OSBPL11: variants seen among roughly 807,000 people sequenced by gnomAD.
OSBPL11 encodes the protein oxysterol-binding protein-related protein 11.
Under a neutral mutation model 84.4 loss-of-function variants are expected in OSBPL11, and 33 were observed. The observed-to-expected ratio is 0.39, with a 90% CI of 0.30 to 0.52. The LOEUF (loss-of-function observed/expected upper bound fraction) is 0.52. Ranked by LOEUF, OSBPL11 falls within the 20% of genes least tolerant of loss-of-function variation. The pLI, the probability that OSBPL11 is intolerant of heterozygous loss-of-function variation, is 0.72. For missense variants in OSBPL11, 736 were observed against 901.1 expected, an observed-to-expected ratio of 0.82 and a Z score of 2.35; for synonymous variants, 276 against 310.2, an observed-to-expected ratio of 0.89 and a Z score of 1.16.
chr3:125,570,963 T>C (rs1458821817), intron 5 of OSBPL11, among the ~76,000 whole-genome samples: 2 of 151,914 alleles, frequency 1.3e-5, no homozygotes, highest in Non-Finnish European at 2.9e-5. Flanking sequence ...TAGGCAGAGG[T>C]TGGAACAGTT....
intron 1 of OSBPL11, among the ~76,000 whole-genome samples, chr3:125,587,837 ACT>A (rs1936537755): frequency 6.6e-6 from 1 of 152,120 alleles, no homozygotes; most frequent in Admixed American, 6.5e-5. Flanking sequence ...TACTCAGGAC[ACT>A]GAGATGGGAG....
At chr3:125,582,869 C>G (rs772443705) in intron 2 of OSBPL11, 41 bp downstream of exon 2, 22 of 1,425,564 alleles carry the variant, frequency 1.5e-5, no homozygotes, top group Non-Finnish European at 2.0e-5. Context: ...TATTCCTGCT[C>G]TCTTAGGAGA....
intron 1 of OSBPL11, among the ~76,000 whole-genome samples, chr3:125,594,029 A>G (rs1379664124): frequency 6.6e-6 from 1 of 152,238 alleles, no homozygotes; most frequent in Non-Finnish European, 1.5e-5. Flanking sequence ...ACAAATATAG[A>G]CTTTCTCATC....
At chr3:125,543,738 T>C (rs1935769608) in intron 10 of OSBPL11, among the ~76,000 whole-genome samples, 1 of 151,786 alleles carries the variant, frequency 6.6e-6, no homozygotes, top group African/African-American at 2.4e-5. Flanking sequence ...CCGTCTCTAC[T>C]AAAAATACAA....
chr3:125,547,608 T>C lies in OSBPL11; in HGVS notation c.1655-16A>G. On this transcript the variant is annotated splice_polypyrimidine_tract_variant and intron_variant, in intron 9 of 12. Coordinates refer to ENST00000296220, the MANE Select transcript of OSBPL11 (RefSeq NM_022776.5). ...CTAAGGATACCTGAATGTGAAAACA[T>C]GAGGGTGGTTAACATCTTTTTAAAG... 2 of 1,563,006 alleles carry C rather than the reference T, an allele frequency of 1.3e-6. No individual in the cohort carries two copies. Among genetic ancestry groups the C allele is most frequent in the South Asian group, 1.2e-5 (1 of 84,834 alleles).
At position 125,552,585 on chromosome 3, in the gene OSBPL11, T is replaced by G; in HGVS notation, c.1250A>C (p.Asn417Thr). 1 of 1,614,226 alleles carries G rather than the reference T, an allele frequency of 6.2e-7. No homozygotes were observed. Among genetic ancestry groups the G allele is most frequent in the Non-Finnish European group, 8.5e-7 (1 of 1,180,046 alleles). ...CATTCTGTCCTCAGCTGTGGCTCCA[T>G]TAGTGATGGCTATAAATAGGTCTGG... is the stretch of plus-strand genomic sequence containing the variant. ...SHPDLFIAIT[N>T]GATAEDRMIR... The change falls in exon 9 of 13, where the codon AAT becomes ACT. Residue 417 changes from asparagine (N) to threonine (T), a missense_variant. By Grantham distance (65) the Asn-to-Thr change is moderately conservative. Transcript: ENST00000296220.
In OSBPL11 at chr3:125,552,161, A is replaced by G; in HGVS notation, c.1654+20T>C. 2.2e-6 allele frequency: 3 copies of G among 1,360,128 alleles called. No individual in the cohort carries two copies. The highest frequency in any genetic ancestry group is 2.9e-6 in the Non-Finnish European group (3 of 1,018,680). 84.3% of individuals were successfully genotyped at this position (1,360,128 alleles called of 1,614,324 possible). On this transcript the variant is annotated intron_variant, in intron 9 of 12. Coordinates refer to ENST00000296220, the MANE Select transcript of OSBPL11 (RefSeq NM_022776.5). ...TGTGTGTATATATATATATATATAT[A>G]AAATAATTTTTCTACTTACCTTCTC... is the stretch of plus-strand genomic sequence containing the variant.
chr3:125,535,608 GAT>G (rs1336369267), intron 11 of OSBPL11, among the ~76,000 whole-genome samples: 1 of 151,436 alleles, frequency 6.6e-6, no homozygotes, highest in African/African-American at 2.4e-5. Flanking sequence ...CACGCCAGGT[GAT>G]TTTTGTATTT....
chr3:125,530,242 G>GAACTGGATA lies in OSBPL11; in HGVS notation c.*264_*272dup, dbSNP rs747678767. The GAACTGGATA allele has an allele frequency of 2.0e-4, 79 of 389,206 alleles. No homozygotes were observed. The highest frequency in any genetic ancestry group is 3.5e-4 in the Non-Finnish European group (74 of 212,342). The allele number at this position is 389,206 out of a possible 1,614,324, so 24.1% of individuals were successfully genotyped here. ...GATTCAAACTTAACTTTAGGAGCAA[G>GAACTGGATA]AACTGGATAAAAGATTCATCTACTG... On this transcript the variant is annotated 3_prime_UTR_variant, in exon 13 of 13. Transcript: ENST00000296220.
At chr3:125,547,385 T>A (rs1333487197) in intron 10 of OSBPL11, 21 bp downstream of exon 10, 2 of 1,596,720 alleles carry the variant, frequency 1.3e-6, no homozygotes, top group Non-Finnish European at 1.7e-6. Context: ...AAGAACTAGA[T>A]AATCATTAAA....
chr3:125,584,753 A>T (rs1936481968), intron 1 of OSBPL11, among the ~76,000 whole-genome samples: 1 of 152,210 alleles, frequency 6.6e-6, no homozygotes, highest in Non-Finnish European at 1.5e-5. Context: ...GAGAAAAACA[A>T]AATTTTTATT....
At chr3:125,533,168 T>TC (rs1935587642) in intron 11 of OSBPL11, among the ~76,000 whole-genome samples, 1 of 150,478 alleles carries the variant, frequency 6.6e-6, no homozygotes, top group Non-Finnish European at 1.5e-5. Context: ...CTTTCTTTCC[T>TC]CCCCCCTTCC....
chr3:125,535,151 T>G (rs1396188907), intron 11 of OSBPL11, among the ~76,000 whole-genome samples: 2 of 151,648 alleles, frequency 1.3e-5, no homozygotes, highest in Admixed American at 1.3e-4. Flanking sequence ...ATATAAGGAA[T>G]AAGTATGGGG....
intron 5 of OSBPL11, among the ~76,000 whole-genome samples, chr3:125,574,164 T>C (rs909429622): frequency 5.9e-5 from 9 of 151,792 alleles, no homozygotes; most frequent in Non-Finnish European, 1.0e-4. Flanking sequence ...TCTGCATTAA[T>C]GGCGTAAAAG....
chr3:125,576,468 A>G, intron 4 of OSBPL11, 103 bp from the exon 5 acceptor site: 1 of 829,948 alleles, frequency 1.2e-6, no homozygotes, highest in South Asian at 2.9e-5. Flanking sequence ...GCAGCGTTTA[A>G]AATTAAATTA....
At chr3:125,543,522 G>A (rs569858165) in intron 10 of OSBPL11, among the ~76,000 whole-genome samples, 1 of 152,292 alleles carries the variant, frequency 6.6e-6, no homozygotes, top group South Asian at 2.1e-4. Context: ...TAGACAAGAA[G>A]TTAAAGCTGT....
chr3:125,574,427 G>A (rs1360815000), intron 5 of OSBPL11, among the ~76,000 whole-genome samples: 1 of 151,260 alleles, frequency 6.6e-6, no homozygotes, highest in African/African-American at 2.4e-5. Flanking sequence ...CCAATACACA[G>A]AGGTTGCCTA....
intron 9 of OSBPL11, 110 bp downstream of exon 9, chr3:125,552,071 G>T: frequency 1.6e-6 from 1 of 613,400 alleles, no homozygotes; most frequent in Middle Eastern, 5.3e-4. Flanking sequence ...TTTCTTTCCT[G>T]TTCTAAAGCC....
intron 7 of OSBPL11, among the ~76,000 whole-genome samples, chr3:125,562,468 T>C (rs1403594627): frequency 3.9e-5 from 6 of 152,210 alleles, no homozygotes; most frequent in Admixed American, 2.6e-4. Context: ...TTGCCTGCAA[T>C]GCCTGTCTTA....
Sources: gnomAD v4.1 joint callset for allele counts (sites outside exome capture counted in the v4.1 genomes callset) on GRCh38, gnomAD v4.1.1 for gene constraint, MANE v1.5 for transcripts, NCBI Gene and HGNC (gene_info 2026-07-23, HGNC 2026-07-21) for gene names.